Variants in DENND1A observed in about 807,000 individuals in gnomAD.
DENND1A encodes DENN domain containing 1A, also known as DENN domain-containing protein 1A.
A neutral mutation model predicts 113.7 loss-of-function variants in DENND1A; 51 were observed. The ratio of observed to expected loss-of-function variants is 0.45; its 90% CI spans 0.36 to 0.57. DENND1A has a LOEUF of 0.57. DENND1A is among the 20% of genes least tolerant of loss of function. DENND1A has a pLI of 0.00. For missense variants in DENND1A, 1,258 were observed against 1,395.9 expected, an observed-to-expected ratio of 0.90 and a Z score of 1.57; for synonymous variants, 565 against 570.8, an observed-to-expected ratio of 0.99 and a Z score of 0.14.
chr9:123,900,122 C>T (rs1217649225), intron 1 of DENND1A, among the ~76,000 whole-genome samples: 1 of 152,186 alleles, frequency 6.6e-6, no homozygotes, highest in Non-Finnish European at 1.5e-5. Flanking sequence ...TATTTATACT[C>T]CTAAAGCGGA....
intron 12 of DENND1A, among the ~76,000 whole-genome samples, chr9:123,562,343 T>G (rs531222439): frequency 7.9e-5 from 12 of 152,238 alleles, no homozygotes; most frequent in African/African-American, 2.9e-4. Flanking sequence ...GAACATCTAT[T>G]CAGCCTCTGA....
intron 18 of DENND1A, among the ~76,000 whole-genome samples, chr9:123,443,596 G>A (rs1467528919): frequency 6.6e-6 from 1 of 152,208 alleles, no homozygotes. Flanking sequence ...CCCTCCACCT[G>A]AAGAAGGACA....
chr9:123,858,434 T>C (rs915355824), intron 2 of DENND1A, among the ~76,000 whole-genome samples: 5 of 152,166 alleles, frequency 3.3e-5, no homozygotes, highest in South Asian at 2.1e-4. Flanking sequence ...TCAGATTTAA[T>C]TGGATGTAGG....
chr9:123,585,067 T>C (rs2059097717), intron 11 of DENND1A, among the ~76,000 whole-genome samples: 1 of 133,000 alleles, frequency 7.5e-6, no homozygotes, highest in African/African-American at 3.1e-5. Context: ...GGAGCCACAC[T>C]GGTCACAAGC....
intron 19 of DENND1A, among the ~76,000 whole-genome samples, chr9:123,416,484 C>A (rs1173983654): frequency 6.6e-6 from 1 of 152,330 alleles, no homozygotes; most frequent in Admixed American, 6.5e-5. Flanking sequence ...AGCAGAGAAT[C>A]GAAGCAGTCT....
At chr9:123,659,805 G>A (rs1273741051) in intron 8 of DENND1A, among the ~76,000 whole-genome samples, 1 of 152,092 alleles carries the variant, frequency 6.6e-6, no homozygotes, top group Non-Finnish European at 1.5e-5. Context: ...CACAGTTACT[G>A]CTTGTTTCAA....
intron 5 of DENND1A, among the ~76,000 whole-genome samples, chr9:123,716,506 A>C (rs1361971194): frequency 6.6e-6 from 1 of 152,214 alleles, no homozygotes; most frequent in Non-Finnish European, 1.5e-5. Context: ...CATCAGTTTC[A>C]TGCCTGTGGT....
intron 1 of DENND1A, among the ~76,000 whole-genome samples, chr9:123,900,336 T>C (rs1200711766): frequency 6.6e-6 from 1 of 152,172 alleles, no homozygotes; most frequent in Non-Finnish European, 1.5e-5. Flanking sequence ...CCACATACAG[T>C]GCAAGTCACT....
chr9:123,743,491 G>A (rs531554909), intron 5 of DENND1A, among the ~76,000 whole-genome samples: 10 of 152,146 alleles, frequency 6.6e-5, no homozygotes, highest in African/African-American at 1.7e-4. Flanking sequence ...CAGCACTTTG[G>A]GAGGCTGGGG....
chr9:123,403,726 G>A (rs1236499203), intron 20 of DENND1A, among the ~76,000 whole-genome samples: 1 of 152,074 alleles, frequency 6.6e-6, no homozygotes, highest in African/African-American at 2.4e-5. Flanking sequence ...TGGAAAGCTC[G>A]GTTTCTTCAT....
intron 13 of DENND1A, among the ~76,000 whole-genome samples, chr9:123,556,049 T>A (rs1036262879): frequency 6.6e-6 from 1 of 152,246 alleles, no homozygotes; most frequent in Non-Finnish European, 1.5e-5. Flanking sequence ...TTGGTTTGGC[T>A]GGACCCAAGA....
chr9:123,502,568 T>C (rs1383178352), intron 13 of DENND1A, among the ~76,000 whole-genome samples: 2 of 152,254 alleles, frequency 1.3e-5, no homozygotes, highest in East Asian at 1.9e-4. Context: ...ATTCTCTATA[T>C]AGTCTGGATG....
intron 13 of DENND1A, among the ~76,000 whole-genome samples, chr9:123,505,751 A>G (rs2052873241): frequency 6.6e-6 from 1 of 152,178 alleles, no homozygotes; most frequent in Admixed American, 6.5e-5. Context: ...CACTTTCCCA[A>G]TGATTTTTCA....
intron 5 of DENND1A, among the ~76,000 whole-genome samples, chr9:123,741,002 A>AT (rs1279612772): frequency 6.6e-6 from 1 of 151,368 alleles, no homozygotes; most frequent in Non-Finnish European, 1.5e-5. Flanking sequence ...TATTCATTCA[A>AT]TAAGTACTTA....
chr9:123,493,467 CTA>C (rs1442554537), intron 13 of DENND1A, among the ~76,000 whole-genome samples: 4 of 152,184 alleles, frequency 2.6e-5, no homozygotes, highest in African/African-American at 9.7e-5. Context: ...GTGGGAACTG[CTA>C]TGATGTCAAC....
intron 2 of DENND1A, among the ~76,000 whole-genome samples, chr9:123,818,581 TATAA>T (rs996454751): frequency 2.0e-5 from 3 of 148,062 alleles, no homozygotes; most frequent in African/African-American, 7.5e-5. Flanking sequence ...TATATATATA[TATAA>T]AATGAGATCT....
At chr9:123,741,319 C>T (rs1437652104) in intron 5 of DENND1A, among the ~76,000 whole-genome samples, 4 of 152,142 alleles carry the variant, frequency 2.6e-5, no homozygotes, top group Admixed American at 6.5e-5. Context: ...GAGATATGAA[C>T]GGATATGATC....
At chr9:123,553,399 C>T (rs1422944421) in intron 13 of DENND1A, among the ~76,000 whole-genome samples, 6 of 67,154 alleles carry the variant, frequency 8.9e-5, no homozygotes, top group African/African-American at 2.9e-4. Context: ...TTTTAAAAGC[C>T]GCCCCCCCCC....
chr9:123,697,503 C>T (rs909522260), intron 5 of DENND1A, among the ~76,000 whole-genome samples: 1 of 152,182 alleles, frequency 6.6e-6, no homozygotes, highest in African/African-American at 2.4e-5. Context: ...GCAGTATACA[C>T]TGCACCCTAT....
Sources: allele counts gnomAD v4.1 joint callset (sites outside exome capture counted in the v4.1 genomes callset), GRCh38; gene constraint gnomAD v4.1.1; transcripts MANE v1.5; gene names NCBI Gene and HGNC (gene_info 2026-07-23, HGNC 2026-07-21).